Variants in ZBBX observed in about 807,000 individuals in gnomAD.
The protein encoded by ZBBX is zinc finger B-box domain containing, also known as zinc finger B-box domain-containing protein 1.
A neutral mutation model predicts 108.5 loss-of-function variants in ZBBX; 101 were observed. The observed-to-expected ratio is 0.93, with a 90% CI of 0.79 to 1.10. The LOEUF (loss-of-function observed/expected upper bound fraction) is 1.10, where lower values mean the gene tolerates loss of function less well. ZBBX is among the 50% of genes least tolerant of loss of function. The pLI, the probability that ZBBX is intolerant of heterozygous loss-of-function variation, is 0.00. For synonymous variants in ZBBX, 356 were observed against 323.4 expected, an observed-to-expected ratio of 1.10 and a Z score of -1.08; for missense variants, 1,009 against 941.4, an observed-to-expected ratio of 1.07 and a Z score of -0.94.
the ZBBX span, among the ~76,000 whole-genome samples, chr3:167,229,852 GAATT>G: frequency 2.6e-5 from 4 of 151,780 alleles, no homozygotes; most frequent in African/African-American, 9.7e-5. Flanking sequence ...ATATTTTAAA[GAATT>G]AAACCATAAC....
chr3:167,239,709 A>C (rs1576745038), downstream of ZBBX, among the ~76,000 whole-genome samples: 1 of 152,106 alleles, frequency 6.6e-6, no homozygotes, highest in Non-Finnish European at 1.5e-5. Flanking sequence ...AAAGTAATAC[A>C]CAGATTTTTG....
chr3:167,313,991 T>A lies in ZBBX; in HGVS notation c.1400A>T (p.Tyr467Phe). Residue 467 changes from tyrosine to phenylalanine, a missense_variant, in exon 16 of 22, where the codon TAT (tyrosine) becomes TTT (phenylalanine). By Grantham distance (22) the Tyr-to-Phe change is conservative. Coordinates refer to ENST00000675490, the MANE Select transcript of ZBBX (RefSeq NM_001199201.2). Reference sequence around the variant, plus strand: ...AATGTTACCTTTTGAATTATCTTTATAATAAGTAGAGCTGTTTCTCAGACA... The same window carrying A: ...AATGTTACCTTTTGAATTATCTTTAAAATAAGTAGAGCTGTTTCTCAGACA... ...NLCLRNSSTY[Y>F]KDNSKAETSN... The A allele has an allele frequency of 1.3e-6, 2 of 1,591,036 alleles. No individual in the cohort carries two copies. Among genetic ancestry groups the A allele is most frequent in the Non-Finnish European group, 1.7e-6 (2 of 1,170,542 alleles).
chr3:167,314,123 C>A lies in ZBBX; in HGVS notation c.1275-7G>T, dbSNP rs1428441263. 6.4e-7 allele frequency: 1 copy of A among 1,567,098 alleles called. No individual in the cohort carries two copies. The highest frequency in any genetic ancestry group is 8.6e-7 in the Non-Finnish European group (1 of 1,161,648). ...ACAATCATGAAAAGCACAACTTTCA[C>A]ATGTAGGAACAAACAAAATAATAGA... On this transcript the variant is annotated splice_region_variant and splice_polypyrimidine_tract_variant and intron_variant, in intron 15 of 21. Coordinates refer to ENST00000675490, the MANE Select transcript of ZBBX (RefSeq NM_001199201.2).
chr3:167,391,385 G>A (rs950949317), intron 1 of ZBBX, among the ~76,000 whole-genome samples: 9 of 151,990 alleles, frequency 5.9e-5, no homozygotes, highest in Admixed American at 5.9e-4. Flanking sequence ...GATTTGGTTT[G>A]CCAGTATTTT....
At chr3:167,337,330 T>A (rs1467945546) in intron 9 of ZBBX, among the ~76,000 whole-genome samples, 5 of 151,976 alleles carry the variant, frequency 3.3e-5, no homozygotes, top group African/African-American at 4.8e-5. Context: ...CCAACCTGGC[T>A]AAAATTGTGA....
intron 9 of ZBBX, among the ~76,000 whole-genome samples, chr3:167,347,382 A>G (rs1248262318): frequency 6.6e-6 from 1 of 151,938 alleles, no homozygotes; most frequent in Non-Finnish European, 1.5e-5. Flanking sequence ...CTATGTATAA[A>G]AAATGGAATA....
intron 17 of ZBBX, among the ~76,000 whole-genome samples, chr3:167,302,736 A>G (rs1732935311): frequency 6.6e-6 from 1 of 152,164 alleles, no homozygotes; most frequent in African/African-American, 2.4e-5. Flanking sequence ...ATCACTCACA[A>G]CAATAGCAGT....
chr3:167,351,862 A>T (rs1456052233), intron 8 of ZBBX, among the ~76,000 whole-genome samples: 1 of 152,110 alleles, frequency 6.6e-6, no homozygotes, highest in African/African-American at 2.4e-5. Flanking sequence ...CATTCAGATC[A>T]AGCACCCCAT....
chr3:167,242,862 T>C (rs1720919261), intron 20 of ZBBX, among the ~76,000 whole-genome samples: 1 of 152,172 alleles, frequency 6.6e-6, no homozygotes, highest in South Asian at 2.1e-4. Context: ...CATATTGATT[T>C]GTAAATATAC....
intron 7 of ZBBX, among the ~76,000 whole-genome samples, 164 bp from the exon 8 acceptor site, chr3:167,360,143 A>G (rs1744273718): frequency 6.8e-6 from 1 of 148,114 alleles, no homozygotes; most frequent in Non-Finnish European, 1.5e-5. Context: ...TAATAAATAT[A>G]TGTATATAAA....
intron 18 of ZBBX, among the ~76,000 whole-genome samples, chr3:167,289,497 A>T (rs570452380): frequency 1.2e-4 from 18 of 152,274 alleles, no homozygotes; most frequent in Non-Finnish European, 2.4e-4. Context: ...GTGTCACCTT[A>T]CCCAGGAAGG....
chr3:167,198,133 A>G, the ZBBX span, among the ~76,000 whole-genome samples: 107 of 152,256 alleles, frequency 7.0e-4, 1 homozygote, highest in Non-Finnish European at 1.1e-3. Context: ...GCAAGTACCC[A>G]AAATAGATGA....
At chr3:167,260,306 T>C (rs896230313) in intron 20 of ZBBX, among the ~76,000 whole-genome samples, 1 of 152,220 alleles carries the variant, frequency 6.6e-6, no homozygotes, top group East Asian at 1.9e-4. Flanking sequence ...CATGGAAATG[T>C]ACCTAGGTGA....
At chr3:167,228,167 G>C in the ZBBX span, among the ~76,000 whole-genome samples, 1 of 151,882 alleles carries the variant, frequency 6.6e-6, no homozygotes, top group Admixed American at 6.6e-5. Flanking sequence ...CCTATGAGTG[G>C]ATAAAAAGAG....
intron 11 of ZBBX, among the ~76,000 whole-genome samples, chr3:167,322,874 A>C (rs1447673305): frequency 6.6e-6 from 1 of 152,052 alleles, no homozygotes; most frequent in Non-Finnish European, 1.5e-5. Context: ...GGGGAAAAAA[A>C]ATGTAGGAGA....
chr3:167,320,593 G>A (rs1736276286), intron 12 of ZBBX, among the ~76,000 whole-genome samples: 1 of 151,980 alleles, frequency 6.6e-6, no homozygotes, highest in Non-Finnish European at 1.5e-5. Flanking sequence ...CAGAGTTGAT[G>A]TATCATCTCA....
At chr3:167,181,144 C>T in the ZBBX span, among the ~76,000 whole-genome samples, 1 of 152,148 alleles carries the variant, frequency 6.6e-6, no homozygotes, top group African/African-American at 2.4e-5. Flanking sequence ...ATACCCTAAA[C>T]CTTGGCAGGA....
At chr3:167,388,394 A>C (rs2108635718) in intron 1 of ZBBX, among the ~76,000 whole-genome samples, 1 of 152,008 alleles carries the variant, frequency 6.6e-6, no homozygotes, top group East Asian at 1.9e-4. Context: ...ACAGGCTTTA[A>C]ACAGAGGAGT....
At chr3:167,317,644 G>T in intron 12 of ZBBX, 47 bp from the exon 13 acceptor site, 1 of 1,281,660 alleles carries the variant, frequency 7.8e-7, no homozygotes, top group South Asian at 1.3e-5. Context: ...TATATTACCT[G>T]AAACTTTCCC....
Sources: gnomAD v4.1 joint callset for allele counts (sites outside exome capture counted in the v4.1 genomes callset) on GRCh38, gnomAD v4.1.1 for gene constraint, MANE v1.5 for transcripts, NCBI Gene and HGNC (gene_info 2026-07-23, HGNC 2026-07-21) for gene names.